Variants in PCDHGA3 observed in about 807,000 individuals in gnomAD.
PCDHGA3 encodes protocadherin gamma subfamily A, 3, also known as protocadherin gamma-A3.
PCDHGA3 carries 40 observed loss-of-function variants against 58.5 expected under a neutral mutation model. The ratio of observed to expected loss-of-function variants is 0.68; its 90% CI spans 0.53 to 0.89. The LOEUF is 0.89. Among genes scored for constraint, PCDHGA3 ranks in the 40% least tolerant of loss-of-function variants. The pLI is 0.00. For synonymous variants in PCDHGA3, 530 were observed against 525.7 expected, an observed-to-expected ratio of 1.01 and a Z score of -0.11; for missense variants, 1,223 against 1,195.9, an observed-to-expected ratio of 1.02 and a Z score of -0.33.
In PCDHGA3 at chr5:141,393,826, A is replaced by T. The variant is rs1182278213; in HGVS notation, c.2424+47369A>T. 6.2e-7 allele frequency: 1 copy of T among 1,613,988 alleles called. No homozygotes were observed. Among genetic ancestry groups the T allele is most frequent in the African/African-American group, 1.3e-5 (1 of 75,050 alleles). Reference sequence around the variant, plus strand: ...AGGACCAAATTGCTCATTTCGGTGGAAGATGTAAATGACAATAGACCAGAA... The same window carrying T: ...AGGACCAAATTGCTCATTTCGGTGGTAGATGTAAATGACAATAGACCAGAA... On this transcript the variant is annotated intron_variant, in intron 1 of 3. Coordinates refer to ENST00000253812, the MANE Select transcript of PCDHGA3 (RefSeq NM_018916.4).
At chr5:141,410,995 T>A in intron 1 of PCDHGA3, 1 of 174,388 alleles carries the variant, frequency 5.7e-6, no homozygotes, top group South Asian at 1.4e-4. Flanking sequence ...CTGGGATTAC[T>A]GGTGCCCCTC....
chr5:141,370,923 C>T, intron 1 of PCDHGA3: 3 of 1,614,000 alleles, frequency 1.9e-6, no homozygotes, highest in Non-Finnish European at 2.5e-6. Flanking sequence ...CCCTGATCCG[C>T]ACTTCTCTTT....
At position 141,408,331 on chromosome 5, in the gene PCDHGA3, G is replaced by C. The variant is rs779178317; in HGVS notation, c.2424+61874G>C. On this transcript the variant is annotated intron_variant, in intron 1 of 3. Transcript: ENST00000253812. Reference sequence around the variant, plus strand: ...ACTCGATTCCGGAGGAGCTGGCCAAGGGCTCGGTGGTGGGGAACCTCGCTA... The same window carrying C: ...ACTCGATTCCGGAGGAGCTGGCCAACGGCTCGGTGGTGGGGAACCTCGCTA... 3.1e-6 allele frequency: 5 copies of C among 1,613,932 alleles called. No individual in the cohort carries two copies. In the South Asian group the frequency reaches 5.5e-5, roughly 18 times the overall value.
intron 1 of PCDHGA3, among the ~76,000 whole-genome samples, chr5:141,438,705 G>A (rs555160868): frequency 2.0e-4 from 29 of 145,842 alleles, no homozygotes; most frequent in African/African-American, 7.1e-4. Flanking sequence ...CTGTCACCCA[G>A]GCTGGAGTGC....
intron 1 of PCDHGA3, chr5:141,410,320 C>G (rs752279818): frequency 8.1e-6 from 13 of 1,613,880 alleles, no homozygotes; most frequent in African/African-American, 2.7e-5. Context: ...TCCTCCTCGC[C>G]GTGATTCTGG....
chr5:141,361,931 G>A, intron 1 of PCDHGA3: 3 of 1,606,902 alleles, frequency 1.9e-6, no homozygotes, highest in Non-Finnish European at 2.5e-6. Context: ...GCAGACTCAG[G>A]ACACAACGCT....
At chr5:141,423,572 G>A (rs1239529114) in intron 1 of PCDHGA3, 1 of 1,613,510 alleles carries the variant, frequency 6.2e-7, no homozygotes, top group Admixed American at 1.7e-5. Flanking sequence ...ACGCTCATCA[G>A]CCAGGAGAGC....
chr5:141,476,978 C>A lies in PCDHGA3; in HGVS notation c.2425-17829C>A, dbSNP rs1468851988. The A allele has an allele frequency of 2.5e-6, 4 of 1,614,138 alleles. No individual in the cohort carries two copies. Among genetic ancestry groups the A allele is most frequent in the Admixed American group, 3.3e-5 (2 of 60,012 alleles). On this transcript the variant is annotated intron_variant, in intron 1 of 3. Transcript: ENST00000253812. This position sits in a 1 kb window ranked among gnomAD's most constrained non-coding sequence, Gnocchi z 7.6. ...TATTTACTCCTTCGGCAGCCACAAC[C>A]GCGCCGGCGTGCGGCAACTATTCGC...
At chr5:141,459,775 T>C (rs377188083) in intron 1 of PCDHGA3, among the ~76,000 whole-genome samples, 8 of 152,362 alleles carry the variant, frequency 5.3e-5, no homozygotes, top group African/African-American at 1.4e-4. Flanking sequence ...TACTATCTCA[T>C]TGAAGTTTCA....
chr5:141,364,807 T>A, intron 1 of PCDHGA3: 1 of 1,614,018 alleles, frequency 6.2e-7, no homozygotes, highest in Non-Finnish European at 8.5e-7. Flanking sequence ...TCGCGCGGGA[T>A]GCGGATGTGG....
chr5:141,422,703 G>GA, intron 1 of PCDHGA3: 1 of 1,603,132 alleles, frequency 6.2e-7, no homozygotes, highest in African/African-American at 1.3e-5. Context: ...CTTACTCTCT[G>GA]ACGGATGACA....
At chr5:141,508,576 C>A (rs1437398161) in intron 3 of PCDHGA3, among the ~76,000 whole-genome samples, 1 of 152,136 alleles carries the variant, frequency 6.6e-6, no homozygotes, top group African/African-American at 2.4e-5. Flanking sequence ...TGCACCCACT[C>A]GGGGTGCTAC....
Position 141,399,470 on chromosome 5 carries a change from T to C in PCDHGA3, c.2424+53013T>C, listed in dbSNP as rs773359741. 70 of 1,614,018 alleles carry C rather than the reference T, an allele frequency of 4.3e-5. No individual in the cohort carries two copies. The Middle Eastern group carries it at 4.9e-4, about 11-fold the overall frequency. On this transcript the variant is annotated intron_variant, in intron 1 of 3. Coordinates refer to ENST00000253812, the MANE Select transcript of PCDHGA3 (RefSeq NM_018916.4). ...GACGTCAACGATAACGCTCCGGTTT[T>C]CCACCAGGCGTCCTACTTAGTCAGT... is the stretch of plus-strand genomic sequence containing the variant.
chr5:141,475,572 C>T (rs2099365596), intron 1 of PCDHGA3, among the ~76,000 whole-genome samples: 1 of 152,214 alleles, frequency 6.6e-6, no homozygotes, highest in South Asian at 2.1e-4. Context: ...TTCCAACAAG[C>T]CAGATTTGTT....
chr5:141,393,043 T>C (rs770560068), intron 1 of PCDHGA3: 1 of 1,613,732 alleles, frequency 6.2e-7, no homozygotes, highest in South Asian at 1.1e-5. Context: ...CTCTTTGCTC[T>C]GAACCCGCGC....
In PCDHGA3 at chr5:141,489,873, G is replaced by A. The variant is rs1252665956; in HGVS notation, c.2425-4934G>A. The A allele has an allele frequency of 4.3e-6, 7 of 1,614,224 alleles. No homozygotes were observed. The highest frequency in any genetic ancestry group is 5.9e-6 in the Non-Finnish European group (7 of 1,180,030). On this transcript the variant is annotated intron_variant, in intron 1 of 3. Coordinates refer to ENST00000253812, the MANE Select transcript of PCDHGA3 (RefSeq NM_018916.4). The surrounding 1 kb of genome is among the most constrained non-coding windows in gnomAD (Gnocchi z 4.5). Reference sequence around the variant, plus strand: ...AAGCCCAGGCAAGACATCAGCTGGTGCTTACTGCTGTGGATGGGGGGACCC... The same window carrying A: ...AAGCCCAGGCAAGACATCAGCTGGTACTTACTGCTGTGGATGGGGGGACCC...
rs181202785 is a variant in PCDHGA3, at chr5:141,458,320, G to A, written c.2425-36487G>A. On this transcript the variant is annotated intron_variant, in intron 1 of 3. Transcript: ENST00000253812. ...TTTAGATAAAATGACACAGACACAT[G>A]TGGAGTGGTTTTAAGGAGTGGAGAG... is the stretch of plus-strand genomic sequence containing the variant. Among the ~76,000 whole-genome samples the A allele has an allele frequency of 3.2e-3, 490 of 152,250 alleles. 4 individuals are homozygous for A. The highest frequency in any genetic ancestry group is 0.017 in the Middle Eastern group (5 of 294).
intron 1 of PCDHGA3, chr5:141,360,679 GA>G: frequency 6.2e-7 from 1 of 1,613,988 alleles, no homozygotes; most frequent in Non-Finnish European, 8.5e-7. Flanking sequence ...TGATCTCGCT[GA>G]GAAACAGACT....
chr5:141,384,112 G>T (rs372458558), intron 1 of PCDHGA3: 2 of 1,605,392 alleles, frequency 1.2e-6, no homozygotes, highest in Non-Finnish European at 1.7e-6. Flanking sequence ...TTATAGATTG[G>T]TCACAACCAA....
Sources: allele counts gnomAD v4.1 joint callset (sites outside exome capture counted in the v4.1 genomes callset), GRCh38; gene constraint gnomAD v4.1.1; non-coding constraint Gnocchi (gnomAD v3.1); transcripts MANE v1.5; gene names NCBI Gene and HGNC (gene_info 2026-07-23, HGNC 2026-07-21).